Variants in TACC2 observed in about 807,000 individuals in gnomAD.
TACC2 encodes transforming acidic coiled-coil-containing protein 2.
A neutral mutation model predicts 227.3 loss-of-function variants in TACC2; 137 were observed. The ratio of observed to expected loss-of-function variants is 0.60; its 90% CI spans 0.52 to 0.69. The LOEUF is 0.69. Ranked by LOEUF, TACC2 falls within the 30% of genes least tolerant of loss-of-function variation. The pLI, the probability that TACC2 is intolerant of heterozygous loss-of-function variation, is 0.00. For synonymous variants in TACC2, 1,523 were observed against 1,487.5 expected (o/e 1.02, Z -0.55); for missense variants, 3,470 against 3,694.4 (o/e 0.94, Z 1.57).
intron 7 of TACC2, among the ~76,000 whole-genome samples, chr10:122,145,306 T>C (rs2091227222): frequency 6.6e-6 from 1 of 152,220 alleles, no homozygotes; most frequent in Non-Finnish European, 1.5e-5. Flanking sequence ...AATTGTGGTA[T>C]ATCTATGCCA....
At chr10:122,029,958 A>G (rs1043379800) in intron 2 of TACC2, among the ~76,000 whole-genome samples, 1 of 151,958 alleles carries the variant, frequency 6.6e-6, no homozygotes, top group African/African-American at 2.4e-5. Context: ...GCTTCAGGGG[A>G]CATTTAGCAA....
chr10:122,113,000 C>G (rs2138079837), intron 5 of TACC2: 1 of 152,376 alleles, frequency 6.6e-6, no homozygotes, highest in East Asian at 1.9e-4. Context: ...AGCCGCCGCT[C>G]GCCCAGTCAT....
intron 3 of TACC2, among the ~76,000 whole-genome samples, chr10:122,077,404 G>A (rs549348268): frequency 9.2e-5 from 14 of 152,314 alleles, no homozygotes; most frequent in African/African-American, 2.6e-4. Context: ...CATGACTAGC[G>A]CTAGGTGGGC....
intron 1 of TACC2, among the ~76,000 whole-genome samples, chr10:122,005,730 G>C (rs1337667273): frequency 2.0e-5 from 2 of 100,082 alleles, no homozygotes; most frequent in African/African-American, 4.0e-5. Flanking sequence ...GTCTCACTTT[G>C]TTGCCCAGGC....
chr10:121,990,023 A>T (rs1952964589), intron 1 of TACC2, among the ~76,000 whole-genome samples: 1 of 152,070 alleles, frequency 6.6e-6, no homozygotes, highest in Non-Finnish European at 1.5e-5. Flanking sequence ...TCACAGTTTG[A>T]TTCTCCAGAC....
At chr10:122,029,004 T>A (rs67941138) in intron 2 of TACC2, among the ~76,000 whole-genome samples, 8,461 of 34,940 alleles carry the variant, frequency 0.24, 1,892 homozygotes, top group African/African-American at 0.45. Flanking sequence ...TCCCCTCCCC[T>A]CCCCTCCCCT....
rs779540446 is a variant in TACC2 at position 122,050,456 on chromosome 10, A to G, written c.52A>G (p.Thr18Ala). Residue 18 changes from threonine to alanine, a missense_variant, in exon 3 of 23, where the codon ACT becomes GCT. Physicochemically the swap from Thr to Ala is moderately conservative, Grantham distance 58. Coordinates refer to ENST00000369005, the MANE Select transcript of TACC2 (RefSeq NM_206862.4). This position sits in a 1 kb window ranked among gnomAD's most constrained non-coding sequence, Gnocchi z 4.6. ...GGCTCAGAGGACTTTATCAGCTCAG[A>G]CTCCAAGGTCCGCGCAGCCACCCGG... ...SDNQRTLSAQ[T>A]PRSAQPPGNS... The G allele has an allele frequency of 2.5e-6, 4 of 1,613,918 alleles. No homozygotes were observed. The South Asian group carries it at 4.4e-5, about 18-fold the overall frequency.
At chr10:122,113,238 G>A (rs910257438) in intron 5 of TACC2, 1 of 152,310 alleles carries the variant, frequency 6.6e-6, no homozygotes, top group African/African-American at 2.4e-5. Flanking sequence ...GGGCGGGTAA[G>A]TGCCGGGGCC....
At chr10:122,138,960 C>T (rs1358606917) in intron 6 of TACC2, among the ~76,000 whole-genome samples, 2 of 152,172 alleles carry the variant, frequency 1.3e-5, no homozygotes, top group African/African-American at 2.4e-5. Context: ...CCCCTGTAGC[C>T]TCTGTAAACC....
intron 2 of TACC2, chr10:122,023,662 G>T (rs1957605572): frequency 6.6e-6 from 1 of 152,058 alleles, no homozygotes; most frequent in Admixed American, 6.6e-5. Context: ...GGGGGAGGGG[G>T]AGGGATAGCA....
chr10:122,005,489 A>G (rs1954976741), intron 1 of TACC2, among the ~76,000 whole-genome samples: 1 of 148,564 alleles, frequency 6.7e-6, no homozygotes, highest in Non-Finnish European at 1.5e-5. Flanking sequence ...GGTTCACGCC[A>G]TTCTCCCACC....
intron 2 of TACC2, among the ~76,000 whole-genome samples, chr10:122,042,698 C>T (rs2074453837): frequency 6.6e-6 from 1 of 152,154 alleles, no homozygotes; most frequent in Non-Finnish European, 1.5e-5. Context: ...TTCAGAACAA[C>T]CCTGCAGTTA....
At chr10:122,214,108 CA>C (rs1401126561) in intron 9 of TACC2, among the ~76,000 whole-genome samples, 1 of 152,150 alleles carries the variant, frequency 6.6e-6, no homozygotes, top group East Asian at 1.9e-4. Context: ...GGTCCAAAGA[CA>C]TGCAACTTTT....
chr10:122,232,515 A>G lies in TACC2; in HGVS notation c.8127+2075A>G, dbSNP rs907244809. On this transcript the variant is annotated intron_variant, in intron 16 of 22. Coordinates refer to ENST00000369005, the MANE Select transcript of TACC2 (RefSeq NM_206862.4). ...AAATAGAGTCATGTGTGTTCATAGT[A>G]TATAGGTCGGAGAGGCAGCCCAAGC... Among the ~76,000 whole-genome samples the G allele has an allele frequency of 1.4e-4, 21 of 152,204 alleles. 1 individual carries two copies. The highest frequency in any genetic ancestry group is 1.4e-3 in the Admixed American group (21 of 15,284).
chr10:122,022,598 C>T (rs1957462391), intron 2 of TACC2: 1 of 152,274 alleles, frequency 6.6e-6, no homozygotes, highest in South Asian at 2.1e-4. Context: ...CTAAAACTGA[C>T]ATAAGAGAGA....
intron 2 of TACC2, among the ~76,000 whole-genome samples, chr10:122,026,659 AC>A (rs1214874849): frequency 6.6e-6 from 1 of 152,124 alleles, no homozygotes; most frequent in Non-Finnish European, 1.5e-5. Context: ...ATCCCTGGCA[AC>A]CATGAATCTT....
At chr10:122,007,107 C>T (rs1955270974) in intron 1 of TACC2, among the ~76,000 whole-genome samples, 1 of 152,106 alleles carries the variant, frequency 6.6e-6, no homozygotes, top group South Asian at 2.1e-4. Context: ...GGTGATCTGC[C>T]AACCTCGGCC....
chr10:122,087,073 C>A lies in TACC2; in HGVS notation c.4573C>A (p.Leu1525Met), dbSNP rs139933944. The A allele has an allele frequency of 1.9e-6, 3 of 1,612,656 alleles. No homozygotes were observed. The highest frequency in any genetic ancestry group is 1.7e-6 in the Non-Finnish European group (2 of 1,179,524). The stretch of plus-strand genomic sequence containing the variant: ...GGAGATGGCAGGTGTCCCACCCACA[C>A]TGAGGGAAGACGAGAGGCCAGAGGG... ...GKEMAGVPPT[L>M]REDERPEGPG... Residue 1525 changes from leucine (L) to methionine (M), a missense_variant, in exon 4 of 23, where the codon CTG becomes ATG. Leu to Met is a conservative substitution (Grantham distance 15, BLOSUM62 2). Around this residue, in one of 10 missense-constraint regions of TACC2, gnomAD observed 1,924 missense variants for 1,978.3 expected, o/e 0.97. Transcript: ENST00000369005.
At chr10:122,094,533 C>T (rs561481819) in intron 5 of TACC2, among the ~76,000 whole-genome samples, 1 of 152,326 alleles carries the variant, frequency 6.6e-6, no homozygotes, top group South Asian at 2.1e-4. Flanking sequence ...CCCACCTTGG[C>T]CTCCTAAAGC....
Sources: allele counts gnomAD v4.1 joint callset (sites outside exome capture counted in the v4.1 genomes callset), GRCh38; gene constraint gnomAD v4.1.1; regional missense constraint gnomAD v4.1.1; non-coding constraint Gnocchi (gnomAD v3.1); transcripts MANE v1.5; gene names NCBI Gene and HGNC (gene_info 2026-07-23, HGNC 2026-07-21).